The following DGKI variants were observed in gnomAD, a reference collection of about 807,000 sequenced individuals.
The protein encoded by DGKI is DAG kinase iota.
Under a neutral mutation model 147.5 loss-of-function variants are expected in DGKI, and 55 were observed. The ratio of observed to expected loss-of-function variants is 0.37; its 90% CI spans 0.30 to 0.47. The LOEUF (loss-of-function observed/expected upper bound fraction) is 0.47, where lower values mean the gene tolerates loss of function less well. Ranked by LOEUF, DGKI falls within the 20% of genes least tolerant of loss-of-function variation. The pLI, the probability that DGKI is intolerant of heterozygous loss-of-function variation, is 1.00. For synonymous variants in DGKI, 469 were observed against 477.1 expected (o/e 0.98, Z 0.22); for missense variants, 1,007 against 1,323.8 (o/e 0.76, Z 3.71).
chr7:137,427,404 T>A (rs920973831), intron 28 of DGKI, among the ~76,000 whole-genome samples: 23 of 152,104 alleles, frequency 1.5e-4, no homozygotes, highest in Non-Finnish European at 2.9e-4. Flanking sequence ...CAAAGCAGTG[T>A]GTAGAGGGAC....
chr7:137,635,672 T>C (rs1353967916), intron 6 of DGKI, among the ~76,000 whole-genome samples: 1 of 152,192 alleles, frequency 6.6e-6, no homozygotes, highest in African/African-American at 2.4e-5. Flanking sequence ...GGAATAATCT[T>C]TTGAAAATAT....
intron 1 of DGKI, among the ~76,000 whole-genome samples, chr7:137,780,684 A>G (rs753833031): frequency 6.6e-6 from 1 of 152,244 alleles, no homozygotes; most frequent in Non-Finnish European, 1.5e-5. Flanking sequence ...CTCACATAAC[A>G]TGATGTTTCA....
intron 2 of DGKI, among the ~76,000 whole-genome samples, chr7:137,689,556 T>C (rs1463416073): frequency 2.0e-5 from 3 of 152,238 alleles, no homozygotes; most frequent in Non-Finnish European, 4.4e-5. Flanking sequence ...AAAACTTAGA[T>C]TGCGAGATGT....
rs139790330 is a variant in DGKI, at chr7:137,513,283, C to T, written c.2248+8583G>A. Among the ~76,000 whole-genome samples the T allele has an allele frequency of 5.1e-3, 778 of 152,268 alleles. 4 individuals carry two copies. The highest frequency in any genetic ancestry group is 0.024 in the Middle Eastern group (7 of 294). On this transcript the variant is annotated intron_variant, in intron 21 of 32. Transcript: ENST00000614521. The stretch of plus-strand genomic sequence containing the variant: ...GGGAGAACCTGCCCCACATTCCTGC[C>T]CACAACCTTCTATTGCTCACCAGGT...
chr7:137,509,749 A>G (rs1816512974), intron 21 of DGKI, among the ~76,000 whole-genome samples: 1 of 152,228 alleles, frequency 6.6e-6, no homozygotes, highest in Non-Finnish European at 1.5e-5. Context: ...AGAATTGGGG[A>G]AAGAAAATTC....
intron 6 of DGKI, among the ~76,000 whole-genome samples, chr7:137,626,274 CCT>C (rs1200452410): frequency 5.3e-5 from 8 of 151,388 alleles, no homozygotes; most frequent in Admixed American, 5.3e-4. Context: ...GCTATTTCTT[CCT>C]CTGTCAATGA....
chr7:137,568,812 A>G (rs939385411), intron 19 of DGKI, among the ~76,000 whole-genome samples: 3 of 152,012 alleles, frequency 2.0e-5, no homozygotes, highest in Admixed American at 1.3e-4. Flanking sequence ...ACTCTCCACT[A>G]ATTACCCAGT....
intron 7 of DGKI, among the ~76,000 whole-genome samples, chr7:137,620,313 C>T (rs1470588590): frequency 6.6e-6 from 1 of 152,112 alleles, no homozygotes; most frequent in Non-Finnish European, 1.5e-5. Flanking sequence ...TTCTATTAAT[C>T]CTGATTTTGC....
At chr7:137,600,420 T>C (rs2128989544) in intron 10 of DGKI, among the ~76,000 whole-genome samples, 1 of 152,332 alleles carries the variant, frequency 6.6e-6, no homozygotes, top group East Asian at 1.9e-4. Flanking sequence ...AGTTTCTTCA[T>C]TTCATTTAGC....
intron 1 of DGKI, among the ~76,000 whole-genome samples, chr7:137,833,780 C>T (rs914952837): frequency 2.6e-5 from 4 of 152,202 alleles, no homozygotes; most frequent in African/African-American, 9.7e-5. Context: ...AAGCCCCCTA[C>T]AACAGCTTCC....
chr7:137,427,470 C>A (rs1812865969), intron 28 of DGKI, among the ~76,000 whole-genome samples: 1 of 152,030 alleles, frequency 6.6e-6, no homozygotes, highest in East Asian at 1.9e-4. Flanking sequence ...AATTGACACC[C>A]TAACATCACA....
intron 1 of DGKI, among the ~76,000 whole-genome samples, chr7:137,749,150 T>G (rs1292667287): frequency 6.6e-6 from 1 of 152,334 alleles, no homozygotes. Context: ...TTTATTTCAA[T>G]AAACAGTAAA....
chr7:137,533,955 T>C (rs924770953), intron 20 of DGKI, among the ~76,000 whole-genome samples: 8 of 152,276 alleles, frequency 5.3e-5, no homozygotes, highest in Non-Finnish European at 5.9e-5. Context: ...ATTAATTAAA[T>C]GTAGCATCAA....
rs1170511349 is a variant in DGKI, at chr7:137,466,024, G to A, written c.2496C>T (p.His832=). 33 of 1,613,740 alleles carry A rather than the reference G, an allele frequency of 2.0e-5. No homozygotes were observed. Among genetic ancestry groups the A allele is most frequent in the Non-Finnish European group, 2.8e-5 (33 of 1,179,810 alleles). ...CATCTTGGGAAATCTCCATCACAAA[G>A]TGCAAATGTTCCTAAAGAAGAACAA... The part of the protein sequence containing the change: ...YRIDRSQEHL[H]FVMEISQDEI... Residue 832 remains histidine (H), a synonymous_variant, in exon 26 of 33, where the codon CAC becomes CAT. Coordinates refer to ENST00000614521, the MANE Select transcript of DGKI (RefSeq NM_001321708.2).
intron 8 of DGKI, among the ~76,000 whole-genome samples, chr7:137,615,811 T>C (rs1426725488): frequency 1.3e-5 from 2 of 152,124 alleles, no homozygotes; most frequent in East Asian, 1.9e-4. Context: ...TTTATGTCTA[T>C]AGAATTTAAC....
At chr7:137,457,188 G>C (rs772903459) in intron 27 of DGKI, among the ~76,000 whole-genome samples, 6 of 152,150 alleles carry the variant, frequency 3.9e-5, no homozygotes, top group Admixed American at 6.5e-5. Context: ...AAGGTAGGTA[G>C]AAACGGGACC....
chr7:137,495,470 A>T (rs1815928996), intron 21 of DGKI, among the ~76,000 whole-genome samples: 2 of 142,432 alleles, frequency 1.4e-5, no homozygotes, highest in Non-Finnish European at 3.0e-5. Flanking sequence ...CGGTGAGGCC[A>T]GCACCATCCT....
At chr7:137,425,458 G>A (rs1013675251) in intron 28 of DGKI, among the ~76,000 whole-genome samples, 6 of 152,204 alleles carry the variant, frequency 3.9e-5, no homozygotes, top group African/African-American at 1.2e-4. Flanking sequence ...AAAAAACAGA[G>A]CAGAAAGACT....
intron 12 of DGKI, 122 bp from the exon 13 acceptor site, chr7:137,587,332 G>A: frequency 8.7e-6 from 6 of 691,652 alleles, no homozygotes; most frequent in Non-Finnish European, 1.3e-5. Flanking sequence ...TTTAAAACAT[G>A]TATGTTTTCA....
Sources: allele counts gnomAD v4.1 joint callset (sites outside exome capture counted in the v4.1 genomes callset), GRCh38; gene constraint gnomAD v4.1.1; transcripts MANE v1.5; gene names NCBI Gene and HGNC (gene_info 2026-07-23, HGNC 2026-07-21).